Variants in ZNF385D observed in about 807,000 individuals in gnomAD.
ZNF385D encodes the protein zinc finger protein 659.
Under a neutral mutation model 35.8 loss-of-function variants are expected in ZNF385D, and 15 were observed. The ratio of observed to expected loss-of-function variants is 0.42; its 90% CI spans 0.28 to 0.64. ZNF385D has a LOEUF of 0.64. ZNF385D is among the 30% of genes least tolerant of loss of function. The probability of loss-of-function intolerance (pLI) is 0.23; values close to 1 mark genes in which losing one functional copy is unlikely to be tolerated. For synonymous variants in ZNF385D, 212 were observed against 186.8 expected (o/e 1.13, Z -1.10); for missense variants, 474 against 494.6 (o/e 0.96, Z 0.39).
intron 2 of ZNF385D, among the ~76,000 whole-genome samples, chr3:21,571,717 C>G (rs2063339843): frequency 6.6e-6 from 1 of 152,074 alleles, no homozygotes; most frequent in Admixed American, 6.6e-5. Context: ...GGCTCCCATG[C>G]CCCCAACAGG....
intron 3 of ZNF385D, among the ~76,000 whole-genome samples, chr3:21,895,318 GCTTT>G (rs939218568): frequency 1.1e-5 from 1 of 89,904 alleles, no homozygotes; most frequent in African/African-American, 4.3e-5. Context: ...GAAATGTGTG[GCTTT>G]TTTTTTTTTT....
chr3:22,284,280 C>A (rs1701915457), intron 2 of ZNF385D, among the ~76,000 whole-genome samples: 1 of 152,016 alleles, frequency 6.6e-6, no homozygotes, highest in Admixed American at 6.6e-5. Context: ...CCTTTGCCTC[C>A]CAGGTTCAAG....
chr3:21,830,624 G>A (rs1314024126), intron 3 of ZNF385D, among the ~76,000 whole-genome samples: 2 of 152,136 alleles, frequency 1.3e-5, no homozygotes, highest in Non-Finnish European at 2.9e-5. Flanking sequence ...TGTCGAAGAT[G>A]AGATTGACCT....
intron 2 of ZNF385D, among the ~76,000 whole-genome samples, chr3:21,570,818 T>C (rs1468061999): frequency 6.6e-6 from 1 of 152,212 alleles, no homozygotes; most frequent in Non-Finnish European, 1.5e-5. Context: ...CATATTCAAC[T>C]ATGAACATTT....
intron 2 of ZNF385D, among the ~76,000 whole-genome samples, chr3:22,210,909 T>C (rs1697477325): frequency 6.6e-6 from 1 of 151,960 alleles, no homozygotes; most frequent in African/African-American, 2.4e-5. Flanking sequence ...AAAATAATAC[T>C]AAGTATACAT....
chr3:21,449,935 G>A (rs941374446), intron 4 of ZNF385D, among the ~76,000 whole-genome samples: 1 of 152,172 alleles, frequency 6.6e-6, no homozygotes, highest in Non-Finnish European at 1.5e-5. Flanking sequence ...TTGCCAAGCG[G>A]TCAAGATCAC....
chr3:21,779,429 G>A (rs1255211157), intron 3 of ZNF385D, among the ~76,000 whole-genome samples: 1 of 151,866 alleles, frequency 6.6e-6, no homozygotes, highest in Non-Finnish European at 1.5e-5. Context: ...ATTAAAGAGA[G>A]CGGATTGTTG....
intron 2 of ZNF385D, among the ~76,000 whole-genome samples, chr3:22,311,420 T>A (rs1174818630): frequency 6.6e-6 from 1 of 152,066 alleles, no homozygotes; most frequent in Non-Finnish European, 1.5e-5. Flanking sequence ...TTAATAAATG[T>A]GGTTTCATAG....
At chr3:21,690,783 A>G (rs2067257356) in intron 1 of ZNF385D, among the ~76,000 whole-genome samples, 1 of 152,166 alleles carries the variant, frequency 6.6e-6, no homozygotes, top group Admixed American at 6.6e-5. Context: ...AGAAACTCTG[A>G]ATATTAGGCC....
intron 2 of ZNF385D, among the ~76,000 whole-genome samples, chr3:22,221,552 C>A (rs571955610): frequency 6.6e-6 from 1 of 152,086 alleles, no homozygotes; most frequent in Non-Finnish European, 1.5e-5. Flanking sequence ...ATAAAAGATG[C>A]CTTAATTTCA....
chr3:22,163,723 A>C (rs544971791), intron 3 of ZNF385D, among the ~76,000 whole-genome samples: 2 of 152,174 alleles, frequency 1.3e-5, no homozygotes, highest in Non-Finnish European at 2.9e-5. Context: ...TTTAGGTAAA[A>C]ATCTCTATTG....
At chr3:21,751,315 G>C, upstream of ZNF385D, 1 of 1,068,862 alleles carries the variant, frequency 9.4e-7, no homozygotes, top group African/African-American at 1.7e-5. Flanking sequence ...CATGGCTCTC[G>C]GGAAGCTTTG....
chr3:21,527,209 A>T (rs535071459), intron 3 of ZNF385D, among the ~76,000 whole-genome samples: 9 of 152,184 alleles, frequency 5.9e-5, no homozygotes, highest in Non-Finnish European at 1.3e-4. Flanking sequence ...TGATAATTAC[A>T]TATTATTATA....
intron 2 of ZNF385D, among the ~76,000 whole-genome samples, chr3:22,320,341 CT>C (rs1380456760): frequency 1.3e-5 from 2 of 151,970 alleles, no homozygotes; most frequent in East Asian, 3.9e-4. Context: ...CAAATTCTTC[CT>C]TTCAGTCATT....
chr3:22,075,501 C>G (rs1281508270), intron 3 of ZNF385D, among the ~76,000 whole-genome samples: 2 of 151,844 alleles, frequency 1.3e-5, no homozygotes, highest in African/African-American at 4.8e-5. Flanking sequence ...CTTTCCCACT[C>G]TCTCCTTAAC....
At chr3:21,940,341 A>T (rs1043022609) in intron 3 of ZNF385D, among the ~76,000 whole-genome samples, 2 of 152,130 alleles carry the variant, frequency 1.3e-5, no homozygotes, top group African/African-American at 4.8e-5. Flanking sequence ...CAAGTTGCTT[A>T]CTCCCCATGT....
At chr3:21,613,791 C>CGATT (rs1431624358) in intron 2 of ZNF385D, among the ~76,000 whole-genome samples, 2 of 152,186 alleles carry the variant, frequency 1.3e-5, no homozygotes, top group African/African-American at 4.8e-5. Flanking sequence ...CACTCTTAAT[C>CGATT]CACAGCTCAA....
intron 2 of ZNF385D, among the ~76,000 whole-genome samples, chr3:22,210,288 G>C (rs990186754): frequency 6.6e-6 from 1 of 151,728 alleles, no homozygotes; most frequent in Admixed American, 6.6e-5. Flanking sequence ...TCTCAACAGG[G>C]ATTTTTTCTT....
At chr3:21,852,423 C>T (rs1479247742) in intron 3 of ZNF385D, among the ~76,000 whole-genome samples, 1 of 151,882 alleles carries the variant, frequency 6.6e-6, no homozygotes, top group African/African-American at 2.4e-5. Flanking sequence ...CTGTAATAGA[C>T]AGCATTCATT....
Sources: allele counts gnomAD v4.1 joint callset (sites outside exome capture counted in the v4.1 genomes callset), GRCh38; gene constraint gnomAD v4.1.1; transcripts MANE v1.5; gene names NCBI Gene and HGNC (gene_info 2026-07-23, HGNC 2026-07-21).